The following CACNA2D1 variants were observed in gnomAD, a reference collection of about 807,000 sequenced individuals.
The protein encoded by CACNA2D1 is calcium voltage-gated channel auxiliary subunit alpha2delta 1.
In CACNA2D1, 53 loss-of-function variants were observed where a neutral mutation model predicts 171.5. That is an observed-to-expected ratio of 0.31 (90% CI 0.25 to 0.39). CACNA2D1 has a LOEUF of 0.39. Ranked by LOEUF, CACNA2D1 falls within the 10% of genes least tolerant of loss-of-function variation. The pLI is 1.00. For missense variants in CACNA2D1, 903 were observed against 1,299.8 expected, an observed-to-expected ratio of 0.69 and a Z score of 4.69; for synonymous variants, 442 against 443.1, an observed-to-expected ratio of 1.00 and a Z score of 0.03.
At chr7:82,232,991 A>T (rs1293766119) in intron 3 of CACNA2D1, among the ~76,000 whole-genome samples, 1 of 151,912 alleles carries the variant, frequency 6.6e-6, no homozygotes, top group Non-Finnish European at 1.5e-5. Context: ...CGAATTACAC[A>T]GATACTCCAG....
At chr7:82,347,811 C>A (rs2129445660) in intron 2 of CACNA2D1, among the ~76,000 whole-genome samples, 1 of 150,770 alleles carries the variant, frequency 6.6e-6, no homozygotes, top group South Asian at 2.1e-4. Flanking sequence ...TTTCTTTCAT[C>A]TTTTCCATTC....
Position 82,300,077 on chromosome 7 carries a change from C to T in CACNA2D1, c.294+35058G>A, listed in dbSNP as rs1585396488. Among the ~76,000 whole-genome samples, 3 of 152,142 alleles carry T rather than the reference C, an allele frequency of 2.0e-5. No individual in the cohort carries two copies. In the South Asian group the frequency reaches 6.2e-4, roughly 32 times the overall value. ...ATAATACAGGTAGGTGTCTCTCATT[C>T]AGAATAACAATAGGGGTGGGTGTCT... is the stretch of plus-strand genomic sequence containing the variant. On this transcript the variant is annotated intron_variant, in intron 3 of 38. Transcript: ENST00000356860.
chr7:82,039,029 T>G (rs1803643701), intron 10 of CACNA2D1, among the ~76,000 whole-genome samples: 1 of 152,198 alleles, frequency 6.6e-6, no homozygotes, highest in South Asian at 2.1e-4. Context: ...GATAAGAGGA[T>G]GAGTGGAGTC....
At chr7:82,270,880 A>T (rs1808535216) in intron 3 of CACNA2D1, among the ~76,000 whole-genome samples, 1 of 152,112 alleles carries the variant, frequency 6.6e-6, no homozygotes, top group Non-Finnish European at 1.5e-5. Context: ...CTTATGTCCC[A>T]TTTCAAGCTA....
At chr7:82,318,823 GAAGACAA>G (rs1230911651) in intron 3 of CACNA2D1, among the ~76,000 whole-genome samples, 1 of 151,950 alleles carries the variant, frequency 6.6e-6, no homozygotes, top group Non-Finnish European at 1.5e-5. Context: ...ATAATAATGA[GAAGACAA>G]ATAGGAAAGG....
At chr7:82,385,413 G>A (rs145940155) in intron 1 of CACNA2D1, among the ~76,000 whole-genome samples, 200 of 152,248 alleles carry the variant, frequency 1.3e-3, no homozygotes, top group African/African-American at 4.7e-3. Context: ...TGCTCATGAC[G>A]ATAAATGAAC....
At chr7:82,181,389 C>T (rs984554060) in intron 3 of CACNA2D1, among the ~76,000 whole-genome samples, 3 of 152,144 alleles carry the variant, frequency 2.0e-5, no homozygotes, top group Admixed American at 2.0e-4. Flanking sequence ...TTAAGAGTCA[C>T]GATGTCTTTA....
At chr7:82,038,512 A>C (rs1803579604) in intron 10 of CACNA2D1, among the ~76,000 whole-genome samples, 1 of 152,198 alleles carries the variant, frequency 6.6e-6, no homozygotes, top group Non-Finnish European at 1.5e-5. Flanking sequence ...CATCCCTTCT[A>C]GTTCTCAAAT....
intron 1 of CACNA2D1, among the ~76,000 whole-genome samples, chr7:82,429,142 A>C (rs780421285): frequency 1.3e-5 from 2 of 152,144 alleles, no homozygotes; most frequent in African/African-American, 2.4e-5. Context: ...ACTACAAAGC[A>C]TTTTCAGGTT....
intron 12 of CACNA2D1, among the ~76,000 whole-genome samples, chr7:82,014,791 C>T (rs777098596): frequency 1.3e-5 from 2 of 152,268 alleles, no homozygotes; most frequent in East Asian, 1.9e-4. Flanking sequence ...CAGTGGCTCA[C>T]GCTCGTAATC....
chr7:82,016,794 C>T (rs936243594), intron 12 of CACNA2D1, among the ~76,000 whole-genome samples: 3 of 151,992 alleles, frequency 2.0e-5, no homozygotes, highest in African/African-American at 7.2e-5. Flanking sequence ...ACGCCAAACT[C>T]TTTTGTAAAC....
chr7:82,076,964 C>T (rs560758682), intron 7 of CACNA2D1, among the ~76,000 whole-genome samples: 1 of 152,250 alleles, frequency 6.6e-6, no homozygotes, highest in East Asian at 1.9e-4. Flanking sequence ...TCATAAACCT[C>T]TTATATGACT....
chr7:82,146,983 C>CAAAAAAAAAAAA (rs764990586), intron 4 of CACNA2D1, among the ~76,000 whole-genome samples: 1 of 25,476 alleles, frequency 3.9e-5, no homozygotes. Context: ...ACTCCCATCT[C>CAAAAAAAAAAAA]AAAAAAAAAA....
chr7:82,085,571 T>C (rs904274487), intron 6 of CACNA2D1, among the ~76,000 whole-genome samples: 4 of 151,508 alleles, frequency 2.6e-5, no homozygotes, highest in Admixed American at 2.6e-4. Flanking sequence ...ATTAACTATG[T>C]TTATACAACA....
chr7:82,298,521 C>G (rs1812575721), intron 3 of CACNA2D1, among the ~76,000 whole-genome samples: 1 of 151,686 alleles, frequency 6.6e-6, no homozygotes, highest in South Asian at 2.1e-4. Flanking sequence ...CTTTAAATTT[C>G]ATATTTATAG....
intron 3 of CACNA2D1, among the ~76,000 whole-genome samples, chr7:82,172,504 G>A (rs748245789): frequency 2.1e-4 from 32 of 151,386 alleles, no homozygotes; most frequent in Non-Finnish European, 2.7e-4. Flanking sequence ...CCAGCCTGGA[G>A]TACAGTGGTG....
chr7:82,406,821 C>G (rs1348481403), intron 1 of CACNA2D1, among the ~76,000 whole-genome samples: 1 of 151,974 alleles, frequency 6.6e-6, no homozygotes, highest in Admixed American at 6.6e-5. Context: ...TTATCTGTTT[C>G]AATCTTAGAA....
chr7:82,357,791 A>G (rs549825571), intron 1 of CACNA2D1, among the ~76,000 whole-genome samples: 30 of 151,816 alleles, frequency 2.0e-4, no homozygotes, highest in African/African-American at 7.0e-4. Flanking sequence ...CAGCACACCA[A>G]CATGGCACAT....
intron 2 of CACNA2D1, among the ~76,000 whole-genome samples, chr7:82,344,121 C>A (rs1344589353): frequency 6.6e-6 from 1 of 152,216 alleles, no homozygotes; most frequent in Non-Finnish European, 1.5e-5. Context: ...AGGGATGTCT[C>A]ATGCATTGTA....
Sources: gnomAD v4.1 joint callset for allele counts (sites outside exome capture counted in the v4.1 genomes callset) on GRCh38, gnomAD v4.1.1 for gene constraint, MANE v1.5 for transcripts, NCBI Gene and HGNC (gene_info 2026-07-23, HGNC 2026-07-21) for gene names.